Variants in WDFY2 observed in about 807,000 individuals in gnomAD.
The protein encoded by WDFY2 is WD repeat and FYVE domain-containing protein 2.
In WDFY2, 36 loss-of-function variants were observed where a neutral mutation model predicts 56.4. The observed-to-expected ratio is 0.64, with a 90% CI of 0.49 to 0.84. The LOEUF is 0.84. Among genes scored for constraint, WDFY2 ranks in the 40% least tolerant of loss-of-function variants. The probability of loss-of-function intolerance (pLI) is 0.00; values close to 1 mark genes in which losing one functional copy is unlikely to be tolerated. For synonymous variants in WDFY2, 176 were observed against 183.7 expected (o/e 0.96, Z 0.34); for missense variants, 444 against 512.2 (o/e 0.87, Z 1.29).
intron 6 of WDFY2, among the ~76,000 whole-genome samples, chr13:51,728,182 T>C (rs1952646257): frequency 6.6e-6 from 1 of 152,162 alleles, no homozygotes; most frequent in South Asian, 2.1e-4. Context: ...GAAGATGGTG[T>C]ACAAGAAAGA....
intron 4 of WDFY2, among the ~76,000 whole-genome samples, chr13:51,712,063 A>G (rs1358840530): frequency 6.6e-6 from 1 of 152,220 alleles, no homozygotes; most frequent in Non-Finnish European, 1.5e-5. Flanking sequence ...TCCATCAATG[A>G]TAGACTGGAT....
At chr13:51,674,506 C>T (rs1955855171) in intron 2 of WDFY2, among the ~76,000 whole-genome samples, 1 of 152,068 alleles carries the variant, frequency 6.6e-6, no homozygotes, top group South Asian at 2.1e-4. Flanking sequence ...AGAACCAGTC[C>T]AGGCCTGGGT....
At chr13:51,716,493 C>G (rs970076565) in intron 4 of WDFY2, among the ~76,000 whole-genome samples, 7 of 151,532 alleles carry the variant, frequency 4.6e-5, no homozygotes, top group Admixed American at 1.3e-4. Context: ...GAGATCGAGA[C>G]CATCCCGGCT....
At position 51,700,954 on chromosome 13, in the gene WDFY2, C is replaced by T. The variant is rs189995890; in HGVS notation, c.280-2642C>T. On this transcript the variant is annotated intron_variant, in intron 3 of 11. Coordinates refer to ENST00000298125, the MANE Select transcript of WDFY2 (RefSeq NM_052950.4). ...TGCACTCCAGCCTGGGCAACAAGAG[C>T]GAAGCTCTGTCTCAAAAAAAAGAAT... Among the ~76,000 whole-genome samples the T allele has an allele frequency of 8.6e-4, 131 of 151,792 alleles. No individual in the cohort carries two copies. The Middle Eastern group carries it at 0.01, about 12-fold the overall frequency.
intron 2 of WDFY2, among the ~76,000 whole-genome samples, chr13:51,662,278 T>C (rs1955629576): frequency 6.6e-6 from 1 of 152,212 alleles, no homozygotes; most frequent in Non-Finnish European, 1.5e-5. Context: ...TTTTCCTGTT[T>C]TTTAAATGAT....
chr13:51,727,827 A>G (rs373240553), intron 6 of WDFY2, 37 bp downstream of exon 6: 4 of 1,580,912 alleles, frequency 2.5e-6, no homozygotes, highest in Non-Finnish European at 3.5e-6. Context: ...TGCTGATAGC[A>G]CAGTGAGATA....
intron 6 of WDFY2, among the ~76,000 whole-genome samples, chr13:51,738,688 G>A (rs1180880181): frequency 6.6e-6 from 1 of 152,124 alleles, no homozygotes; most frequent in African/African-American, 2.4e-5. Context: ...TATTGTCAGG[G>A]GTGGGAGGCA....
At chr13:51,746,024 T>C (rs1722536412) in intron 7 of WDFY2, among the ~76,000 whole-genome samples, 1 of 142,834 alleles carries the variant, frequency 7.0e-6, no homozygotes, top group Admixed American at 7.5e-5. Flanking sequence ...TCCCCCAGGC[T>C]GGAGTGCAAT....
intron 1 of WDFY2, among the ~76,000 whole-genome samples, chr13:51,621,372 G>A (rs942510077): frequency 6.6e-6 from 1 of 152,146 alleles, no homozygotes; most frequent in Non-Finnish European, 1.5e-5. Flanking sequence ...GGGCGTAGTG[G>A]TGGGCACCTG....
chr13:51,650,437 A>C (rs1955352894), intron 1 of WDFY2, among the ~76,000 whole-genome samples: 1 of 152,182 alleles, frequency 6.6e-6, no homozygotes. Flanking sequence ...CCTGGCCAGA[A>C]CTTCAACACT....
intron 1 of WDFY2, among the ~76,000 whole-genome samples, chr13:51,598,964 A>G (rs1473380051): frequency 6.8e-6 from 1 of 146,248 alleles, no homozygotes; most frequent in Non-Finnish European, 1.5e-5. Context: ...GCTAGAGTAC[A>G]GTGGTATAAT....
chr13:51,666,527 G>T (rs1247453774), intron 2 of WDFY2, among the ~76,000 whole-genome samples: 1 of 152,186 alleles, frequency 6.6e-6, no homozygotes, highest in Non-Finnish European at 1.5e-5. Flanking sequence ...AGAGGATGGA[G>T]GGAGGGCTAG....
At chr13:51,736,491 T>TTTTTG (rs980516504) in intron 6 of WDFY2, among the ~76,000 whole-genome samples, 1 of 152,034 alleles carries the variant, frequency 6.6e-6, no homozygotes, top group African/African-American at 2.4e-5. Flanking sequence ...GGTGCAGTGT[T>TTTTTG]TTTTGTTTTG....
Position 51,763,800 on chromosome 13 carries a change from T to C in WDFY2, c.*4031T>C, listed in dbSNP as rs1163768663. 6.6e-6 allele frequency: 1 copy of C among 152,094 alleles called. No homozygotes were observed. Among genetic ancestry groups the C allele is most frequent in the African/African-American group, 2.4e-5 (1 of 41,462 alleles). The allele number at this position is 152,094 out of a possible 1,614,324, so 9.4% of individuals were successfully genotyped here. ...GCAGCAGAGCAAGGCCCTGAATAAA[T>C]AAACAAAAGTATAATTTATTTTTGC... On this transcript the variant is annotated 3_prime_UTR_variant, in exon 12 of 12. Transcript: ENST00000298125.
intron 1 of WDFY2, among the ~76,000 whole-genome samples, chr13:51,638,554 C>T (rs556142020): frequency 1.3e-5 from 2 of 152,128 alleles, no homozygotes; most frequent in Non-Finnish European, 2.9e-5. Flanking sequence ...CAGTGTAGTC[C>T]CTCAAAGACG....
chr13:51,722,043 C>A (rs577594079), intron 5 of WDFY2, among the ~76,000 whole-genome samples: 15 of 133,814 alleles, frequency 1.1e-4, no homozygotes, highest in African/African-American at 4.2e-4. Flanking sequence ...GTTTTGGTTT[C>A]GTCGTTGTTT....
At chr13:51,628,567 G>C (rs1444934686) in intron 1 of WDFY2, among the ~76,000 whole-genome samples, 1 of 152,170 alleles carries the variant, frequency 6.6e-6, no homozygotes, top group Non-Finnish European at 1.5e-5. Flanking sequence ...GTTTCCGCCT[G>C]TTCCTTGCTC....
In WDFY2 at chr13:51,698,947, T is replaced by C. The variant is rs1951928903; in HGVS notation, c.280-4649T>C. Among the ~76,000 whole-genome samples the C allele has an allele frequency of 2.6e-5, 4 of 152,230 alleles. No homozygotes were observed. The South Asian group carries it at 8.3e-4, about 31-fold the overall frequency. On this transcript the variant is annotated intron_variant, in intron 3 of 11. Transcript: ENST00000298125. ...TAATAATCAAAGAATTTCTACAATT[T>C]AGTAAGACAGTTACAAATGCAATAG...
chr13:51,661,945 T>A (rs1955622077), intron 2 of WDFY2, among the ~76,000 whole-genome samples: 1 of 152,128 alleles, frequency 6.6e-6, no homozygotes, highest in Non-Finnish European at 1.5e-5. Flanking sequence ...TCTCTAGGTT[T>A]TTTTTTCCTG....
Sources: gnomAD v4.1 joint callset for allele counts (sites outside exome capture counted in the v4.1 genomes callset) on GRCh38, gnomAD v4.1.1 for gene constraint, MANE v1.5 for transcripts, NCBI Gene and HGNC (gene_info 2026-07-23, HGNC 2026-07-21) for gene names.